Variants in ABCC10 observed in about 807,000 individuals in gnomAD.
ABCC10 encodes the protein ATP binding cassette subfamily C member 10.
Under a neutral mutation model 143.2 loss-of-function variants are expected in ABCC10, and 110 were observed. The observed-to-expected ratio is 0.77, with a 90% CI of 0.66 to 0.90. The LOEUF is 0.90. Among genes scored for constraint, ABCC10 ranks in the 40% least tolerant of loss-of-function variants. The pLI is 0.00. For synonymous variants in ABCC10, 805 were observed against 846.7 expected, an observed-to-expected ratio of 0.95 and a Z score of 0.85; for missense variants, 1,700 against 1,900.5, an observed-to-expected ratio of 0.89 and a Z score of 1.96.
Position 43,432,726 on chromosome 6 carries a change from G to A in ABCC10, c.746G>A (p.Arg249His), listed in dbSNP as rs762172121. 1.2e-5 allele frequency: 20 copies of A among 1,613,964 alleles called. No homozygotes were observed. The highest frequency in any genetic ancestry group is 1.2e-5 in the Non-Finnish European group (14 of 1,179,986). Residue 249 changes from arginine to histidine, a missense_variant, in exon 3 of 22, where the codon CGC becomes CAC. Transcript: ENST00000372530. ...CTCCGGCAGCCTCAGGACATTTGCC[G>A]CCTCCCCCACAGACTGCAGCCAACC... is the stretch of plus-strand genomic sequence containing the variant. ...GELRQPQDICRLPHRLQPTYL... is the reference protein window; with the variant it reads ...GELRQPQDICHLPHRLQPTYL...
Position 43,447,290 on chromosome 6 carries a change from G to C in ABCC10, c.3587G>C (p.Gly1196Ala). The C allele has an allele frequency of 6.2e-7, 1 of 1,613,722 alleles. No individual in the cohort carries two copies. The highest frequency in any genetic ancestry group is 8.5e-7 in the Non-Finnish European group (1 of 1,180,006). ...CTGTCTTATGCCCTGTCCCTGACGG[G>C]CCTGCTCTCGGGCCTGGTGAGCAGC... ...LSLSYALSLT[G>A]LLSGLVSSFT... Residue 1196 changes from glycine (G) to alanine (A), a missense_variant, in exon 17 of 22, where the codon GGC becomes GCC. Physicochemically the swap from Gly to Ala is moderately conservative, Grantham distance 60. Coordinates refer to ENST00000372530, the MANE Select transcript of ABCC10 (RefSeq NM_001198934.2).
chr6:43,446,788 A>G, intron 16 of ABCC10: 1 of 1,171,502 alleles, frequency 8.5e-7, no homozygotes, highest in Non-Finnish European at 1.1e-6. Context: ...CCTGCCCTGC[A>G]TCTGGCCTCC....
chr6:43,437,818 G>C (rs542698856), intron 6 of ABCC10, 116 bp from the exon 7 acceptor site: 1 of 955,994 alleles, frequency 1.0e-6, no homozygotes, highest in Admixed American at 2.1e-5. Flanking sequence ...ACTAAAGAAA[G>C]AAGAAAAGAG....
rs1783615020 is a variant in ABCC10 at position 43,450,088 on chromosome 6, C to G, written c.4476C>G (p.Pro1492=). Residue 1492 remains proline, a synonymous_variant, in exon 22 of 22, where the codon CCC becomes CCG. Coordinates refer to ENST00000372530, the MANE Select transcript of ABCC10 (RefSeq NM_001198934.2). This position sits in a 1 kb window ranked among gnomAD's most constrained non-coding sequence, Gnocchi z 4.5. ...GAGTCCCTGCCTCACTCGGAGGTCC[C>G]TGAGCCCAATCCCACACCCTGCAGA... ...QQGVPASLGG[P] 1 of 1,596,774 alleles carries G rather than the reference C, an allele frequency of 6.3e-7. No homozygotes were observed. Among genetic ancestry groups the G allele is most frequent in the African/African-American group, 1.3e-5 (1 of 74,758 alleles).
chr6:43,445,726 T>A lies in ABCC10; in HGVS notation c.3158T>A (p.Leu1053Gln). The A allele has an allele frequency of 1.2e-6, 2 of 1,614,200 alleles. No homozygotes were observed. The highest frequency in any genetic ancestry group is 1.7e-6 in the Non-Finnish European group (2 of 1,180,040). ...ATCCTCCTGGCCAACGCGGCAGGCCTGCTGGGGCTCCTGGCCGTGCTGGGC... is the reference window on the plus strand; with the variant it reads ...ATCCTCCTGGCCAACGCGGCAGGCCAGCTGGGGCTCCTGGCCGTGCTGGGC... ...LNILLANAAG[L>Q]LGLLAVLGSG... The change falls in exon 15 of 22, where the codon CTG (leucine) becomes CAG (glutamine). Residue 1053 changes from leucine to glutamine, a missense_variant. Transcript: ENST00000372530.
chr6:43,435,943 G>T, intron 5 of ABCC10, 36 bp downstream of exon 5: 1 of 1,612,544 alleles, frequency 6.2e-7, no homozygotes, highest in Middle Eastern at 1.7e-4. Context: ...CTGGCACAGG[G>T]TGAGGAGGGA....
In ABCC10 at chr6:43,450,093, C is replaced by G. The variant is rs1435551536; in HGVS notation, c.*2C>G. The G allele has an allele frequency of 2.5e-6, 4 of 1,592,914 alleles. No homozygotes were observed. In the East Asian group the frequency reaches 8.9e-5, roughly 36 times the overall value. On this transcript the variant is annotated 3_prime_UTR_variant, in exon 22 of 22. Coordinates refer to ENST00000372530, the MANE Select transcript of ABCC10 (RefSeq NM_001198934.2). This position sits in a 1 kb window ranked among gnomAD's most constrained non-coding sequence, Gnocchi z 4.5. ...CCTGCCTCACTCGGAGGTCCCTGAG[C>G]CCAATCCCACACCCTGCAGAGTTCT...
At chr6:43,428,169 C>T in intron 2 of ABCC10, 30 bp downstream of exon 2, 1 of 1,493,888 alleles carries the variant, frequency 6.7e-7, no homozygotes, top group Non-Finnish European at 8.9e-7. Context: ...AGGCATCTGT[C>T]CATGTGTGCC....
rs767509236 is a variant in ABCC10, at chr6:43,434,656, C to G, written c.1416C>G (p.Ile472Met). Reference sequence around the variant, plus strand: ...AGCTGCTGAGTGGCATTCGGGTCATCAAGTTCTGCGGGTGGGAGCAGGCAC... The same window carrying G: ...AGCTGCTGAGTGGCATTCGGGTCATGAAGTTCTGCGGGTGGGAGCAGGCAC... Reference protein sequence around the residue: ...VTELLSGIRVIKFCGWEQALG... With the variant: ...VTELLSGIRVMKFCGWEQALG... Residue 472 changes from isoleucine (I) to methionine (M), a missense_variant, in exon 4 of 22, where the codon ATC becomes ATG. Ile to Met is a conservative substitution (Grantham distance 10). Transcript: ENST00000372530. The G allele has an allele frequency of 5.6e-6, 9 of 1,613,998 alleles. No individual in the cohort carries two copies. In the South Asian group the frequency reaches 8.8e-5, roughly 16 times the overall value.
chr6:43,442,782 T>G (rs890750100), intron 9 of ABCC10, among the ~76,000 whole-genome samples, 188 bp from the exon 10 acceptor site: 17 of 151,726 alleles, frequency 1.1e-4, no homozygotes, highest in African/African-American at 3.6e-4. Flanking sequence ...CTAGGAAAGC[T>G]GAGTGCTGGC....
chr6:43,442,673 G>T (rs1037859123), intron 9 of ABCC10, among the ~76,000 whole-genome samples: 2 of 152,034 alleles, frequency 1.3e-5, no homozygotes, highest in Non-Finnish European at 2.9e-5. Flanking sequence ...TGAGGCTGCA[G>T]TGAGTGGTGT....
chr6:43,441,972 A>G lies in ABCC10; in HGVS notation c.2226+12A>G, dbSNP rs1782521826. On this transcript the variant is annotated intron_variant, in intron 9 of 21. Coordinates refer to ENST00000372530, the MANE Select transcript of ABCC10 (RefSeq NM_001198934.2). The stretch of plus-strand genomic sequence containing the variant: ...GTGCTGTCTACCAGGTCAGTTAAAG[A>G]TGGAGGTTGCAGTGGCAGGGAGGTG... 2 of 1,612,192 alleles carry G rather than the reference A, an allele frequency of 1.2e-6. No homozygotes were observed. Among genetic ancestry groups the G allele is most frequent in the Admixed American group, 1.7e-5 (1 of 59,908 alleles).
chr6:43,450,037 G>C lies in ABCC10; in HGVS notation c.4425G>C (p.Gln1475His), dbSNP rs1783610068. ...TLRNQPHSLF[Q>H]QLLQSSQQGV... ...GCAACCAGCCCCACTCCCTGTTCCA[G>C]CAGCTGCTGCAGAGCAGCCAGCAGG... Residue 1475 changes from glutamine (Q) to histidine (H), a missense_variant, in exon 22 of 22, where the codon CAG becomes CAC. By Grantham distance (24) the Gln-to-His change is conservative. Coordinates refer to ENST00000372530, the MANE Select transcript of ABCC10 (RefSeq NM_001198934.2). The surrounding 1 kb of genome is among the most constrained non-coding windows in gnomAD (Gnocchi z 4.5). The C allele has an allele frequency of 1.2e-6, 2 of 1,612,376 alleles. No individual in the cohort carries two copies. Among genetic ancestry groups the C allele is most frequent in the Middle Eastern group, 3.7e-4 (2 of 5,470 alleles).
At position 43,432,524 on chromosome 6, in the gene ABCC10, C is replaced by G; in HGVS notation, c.544C>G (p.Leu182Val). 6.2e-7 allele frequency: 1 copy of G among 1,612,622 alleles called. No individual in the cohort carries two copies. The highest frequency in any genetic ancestry group is 8.5e-7 in the Non-Finnish European group (1 of 1,180,044). ...CTTGCTCATCCTGCAGCTGGCTGCACTCTTGGCCTATGCACTGGGATGGGC... is the reference window on the plus strand; with the variant it reads ...CTTGCTCATCCTGCAGCTGGCTGCAGTCTTGGCCTATGCACTGGGATGGGC... ...LCLLILQLAALLAYALGWAAP... is the reference protein window; with the variant it reads ...LCLLILQLAAVLAYALGWAAP... The change falls in exon 3 of 22, where the codon CTC (leucine) becomes GTC (valine). Residue 182 changes from leucine to valine, a missense_variant. Transcript: ENST00000372530.
At chr6:43,438,271 A>G in intron 7 of ABCC10, 1 of 1,201,242 alleles carries the variant, frequency 8.3e-7, no homozygotes, top group Non-Finnish European at 1.1e-6. Context: ...ATTCTTTCAG[A>G]AATGTGGCTG....
intron 18 of ABCC10, among the ~76,000 whole-genome samples, chr6:43,448,314 A>G (rs1355748426): frequency 6.6e-6 from 1 of 152,150 alleles, no homozygotes; most frequent in Non-Finnish European, 1.5e-5. Context: ...GCCTCACTGG[A>G]GGGTATACAA....
chr6:43,443,344 C>A lies in ABCC10; in HGVS notation c.2416+185C>A. On this transcript the variant is annotated intron_variant, in intron 10 of 21. Coordinates refer to ENST00000372530, the MANE Select transcript of ABCC10 (RefSeq NM_001198934.2). The surrounding 1 kb of genome is among the most constrained non-coding windows in gnomAD (Gnocchi z 4.2). ...GGAAAAGGAGTACGTTGGTAAAATGCCAGTGTATTTGGGACTCATGGGCTT... is the reference window on the plus strand; with the variant it reads ...GGAAAAGGAGTACGTTGGTAAAATGACAGTGTATTTGGGACTCATGGGCTT... 1 of 614,970 alleles carries A rather than the reference C, an allele frequency of 1.6e-6. No individual in the cohort carries two copies. The highest frequency in any genetic ancestry group is 2.6e-6 in the Non-Finnish European group (1 of 379,622). The allele number at this position is 614,970 out of a possible 1,614,324, so 38.1% of individuals were successfully genotyped here.
chr6:43,431,667 TTTTTTTAAAA>T (rs1222563510), intron 2 of ABCC10: 57 of 446,780 alleles, frequency 1.3e-4, no homozygotes, highest in Non-Finnish European at 1.7e-4. Context: ...CAGCCTGGAT[TTTTTTTAAAA>T]TTTTAGATTC....
chr6:43,447,966 A>AG, intron 18 of ABCC10, 29 bp downstream of exon 18: 2 of 1,607,922 alleles, frequency 1.2e-6, no homozygotes, highest in Non-Finnish European at 1.7e-6. Context: ...TGGGAGGGGA[A>AG]GGGGGAACCA....
Sources: allele counts gnomAD v4.1 joint callset (sites outside exome capture counted in the v4.1 genomes callset), GRCh38; gene constraint gnomAD v4.1.1; non-coding constraint Gnocchi (gnomAD v3.1); transcripts MANE v1.5; gene names NCBI Gene and HGNC (gene_info 2026-07-23, HGNC 2026-07-21).